The following HMGXB4 variants were observed in gnomAD, a reference collection of about 807,000 sequenced individuals.
HMGXB4 encodes the protein HMG-box containing 4.
Under a neutral mutation model 63.9 loss-of-function variants are expected in HMGXB4, and 27 were observed. That is an observed-to-expected ratio of 0.42 (90% CI 0.31 to 0.58). The LOEUF (loss-of-function observed/expected upper bound fraction) is 0.58. HMGXB4 is among the 20% of genes least tolerant of loss of function. The pLI is 0.13. For missense variants in HMGXB4, 624 were observed against 700.7 expected (o/e 0.89, Z 1.24); for synonymous variants, 264 against 265.3 (o/e 0.99, Z 0.05).
Position 35,288,319 on chromosome 22 carries a change from C to G in HMGXB4, c.1550C>G (p.Pro517Arg). ...MLLPASPAKA[P>R]ETEPIDVAAH... ...TTACCAGCCTCACCAGCCAAAGCCC[C>G]TGAGACAGAGCCCATTGATGTTGCT... Residue 517 changes from proline (P) to arginine (R), a missense_variant, in exon 9 of 11, where the codon CCT (proline) becomes CGT (arginine). Pro to Arg is a moderately radical substitution (Grantham distance 103). Coordinates refer to ENST00000216106, the MANE Select transcript of HMGXB4 (RefSeq NM_001003681.3). The G allele has an allele frequency of 6.2e-7, 1 of 1,613,204 alleles. No homozygotes were observed. Among genetic ancestry groups the G allele is most frequent in the Non-Finnish European group, 8.5e-7 (1 of 1,179,434 alleles).
intron 1 of HMGXB4, 177 bp from the exon 2 acceptor site, chr22:35,262,146 A>T: frequency 2.0e-6 from 1 of 502,108 alleles, no homozygotes; most frequent in Admixed American, 3.5e-5. Context: ...AGCCTAGTAT[A>T]CTTCCTGCAG....
intron 9 of HMGXB4, among the ~76,000 whole-genome samples, chr22:35,289,479 A>G (rs1170825433): frequency 6.6e-6 from 1 of 152,162 alleles, no homozygotes. Context: ...AACAAAAACA[A>G]AAAGGCAAGA....
At chr22:35,286,849 C>T (rs199867985) in intron 7 of HMGXB4, 1 of 58,954 alleles carries the variant, frequency 1.7e-5, no homozygotes, top group Non-Finnish European at 4.4e-5. Flanking sequence ...AAAACTCCAT[C>T]TCAAAAAAAA....
chr22:35,243,327 G>A, the HMGXB4 span, among the ~76,000 whole-genome samples: 11 of 152,084 alleles, frequency 7.2e-5, no homozygotes, highest in African/African-American at 1.9e-4. Context: ...CCGAGATCAC[G>A]CCATTGCACT....
At chr22:35,249,883 T>C in the HMGXB4 span, 3 of 98,584 alleles carry the variant, frequency 3.0e-5, 1 homozygote, top group African/African-American at 7.7e-5. Context: ...AGAGTCACCA[T>C]GAGATACAAA....
Position 35,281,855 on chromosome 22 carries a change from T to C in HMGXB4, c.1216-2107T>C, listed in dbSNP as rs140687954. 1.7e-4 allele frequency among the ~76,000 whole-genome samples: 26 copies of C among 152,336 alleles called. 1 individual carries two copies. Among genetic ancestry groups the C allele is most frequent in the African/African-American group, 6.3e-4 (26 of 41,574 alleles). On this transcript the variant is annotated intron_variant, in intron 5 of 10. Coordinates refer to ENST00000216106, the MANE Select transcript of HMGXB4 (RefSeq NM_001003681.3). ...ATAAGTGCAATCTCATTCAAAGCAG[T>C]TACCTTGGAAGGTGTTCTAGGAATG...
intron 5 of HMGXB4, among the ~76,000 whole-genome samples, chr22:35,273,473 T>G (rs1923728424): frequency 6.6e-6 from 1 of 152,244 alleles, no homozygotes; most frequent in African/African-American, 2.4e-5. Flanking sequence ...TTAGATTAAA[T>G]TAGGTGGTGC....
intron 5 of HMGXB4, among the ~76,000 whole-genome samples, chr22:35,270,037 C>G (rs182080278): frequency 6.6e-6 from 1 of 152,234 alleles, no homozygotes; most frequent in Admixed American, 6.5e-5. Flanking sequence ...GAGGTTGATT[C>G]AAGAGAGGCT....
Position 35,265,040 on chromosome 22 carries a change from G to A in HMGXB4, c.652G>A (p.Ala218Thr). ...GTCTTTTCAATATCCCTCCCAACAA[G>A]CGACTGTGAAAAAATCCTCAAAGAA... is the stretch of plus-strand genomic sequence containing the variant. The part of the protein sequence containing the change: ...EESFQYPSQQ[A>T]TVKKSSKKSA... The change falls in exon 5 of 11, where the codon GCG (alanine) becomes ACG (threonine). Residue 218 changes from alanine (A) to threonine (T), a missense_variant. Coordinates refer to ENST00000216106, the MANE Select transcript of HMGXB4 (RefSeq NM_001003681.3). The A allele has an allele frequency of 1.2e-6, 2 of 1,613,886 alleles. No individual in the cohort carries two copies. Among genetic ancestry groups the A allele is most frequent in the Non-Finnish European group, 1.7e-6 (2 of 1,179,802 alleles).
chr22:35,264,633 C>G lies in HMGXB4; in HGVS notation c.260-15C>G. 1 of 1,535,038 alleles carries G rather than the reference C, an allele frequency of 6.5e-7. No homozygotes were observed. Among genetic ancestry groups the G allele is most frequent in the Non-Finnish European group, 8.8e-7 (1 of 1,142,154 alleles). On this transcript the variant is annotated splice_polypyrimidine_tract_variant and intron_variant, in intron 4 of 10. Coordinates refer to ENST00000216106, the MANE Select transcript of HMGXB4 (RefSeq NM_001003681.3). ...TTCCCATCATATTGACAGTACTTCT[C>G]TTGATTATTTCTAGATATTTCGTCT...
chr22:35,270,761 A>T (rs1001507482), intron 5 of HMGXB4, among the ~76,000 whole-genome samples: 2 of 152,210 alleles, frequency 1.3e-5, no homozygotes, highest in East Asian at 3.8e-4. Context: ...TATAGCAAAA[A>T]CCTTATTAAG....
At chr22:35,262,666 G>T in intron 2 of HMGXB4, 1 of 561,664 alleles carries the variant, frequency 1.8e-6, no homozygotes, top group Admixed American at 3.1e-5. Context: ...GTGATCCCCT[G>T]CAGCACTCTT....
chr22:35,252,216 A>AAAAC, the HMGXB4 span, among the ~76,000 whole-genome samples: 1 of 152,348 alleles, frequency 6.6e-6, no homozygotes, highest in South Asian at 2.1e-4. Context: ...CTCTGTCTCA[A>AAAAC]AAACAAACAA....
intron 5 of HMGXB4, among the ~76,000 whole-genome samples, chr22:35,267,118 C>A (rs1923300850): frequency 6.8e-6 from 1 of 146,860 alleles, no homozygotes; most frequent in Admixed American, 6.9e-5. Flanking sequence ...ATCTGTAGAT[C>A]TATATCTGTT....
intron 2 of HMGXB4, chr22:35,262,721 A>G: frequency 1.9e-6 from 1 of 519,584 alleles, no homozygotes; most frequent in South Asian, 2.4e-5. Context: ...GATAGGAATC[A>G]CATCCTGGAC....
In HMGXB4 at chr22:35,282,378, G is replaced by A. The variant is rs59798965; in HGVS notation, c.1216-1584G>A. ...TTTTTAGTAGAGACGGGGTTTCACCGTGTTAGCCAGGATGACCTCGTGATC... is the reference window on the plus strand; with the variant it reads ...TTTTTAGTAGAGACGGGGTTTCACCATGTTAGCCAGGATGACCTCGTGATC... On this transcript the variant is annotated intron_variant, in intron 5 of 10. Transcript: ENST00000216106. Among the ~76,000 whole-genome samples the A allele has an allele frequency of 9.1e-3, 1,387 of 152,136 alleles. 16 individuals carry two copies. The highest frequency in any genetic ancestry group is 0.031 in the African/African-American group (1,283 of 41,478).
chr22:35,290,327 C>A (rs1924848468), intron 9 of HMGXB4, among the ~76,000 whole-genome samples: 1 of 151,918 alleles, frequency 6.6e-6, no homozygotes, highest in African/African-American at 2.4e-5. Flanking sequence ...TATTTCATTC[C>A]AAAACATATT....
chr22:35,277,616 G>A (rs1257587540), intron 5 of HMGXB4, among the ~76,000 whole-genome samples: 1 of 152,222 alleles, frequency 6.6e-6, no homozygotes, highest in Non-Finnish European at 1.5e-5. Flanking sequence ...CCAAAGTGCT[G>A]GGATTACAGG....
At chr22:35,268,719 A>G (rs1172201784) in intron 5 of HMGXB4, among the ~76,000 whole-genome samples, 1 of 152,230 alleles carries the variant, frequency 6.6e-6, no homozygotes, top group South Asian at 2.1e-4. Context: ...ACCTTAGCCA[A>G]ACATTCATTA....
Sources: allele counts gnomAD v4.1 joint callset (sites outside exome capture counted in the v4.1 genomes callset), GRCh38; gene constraint gnomAD v4.1.1; transcripts MANE v1.5; gene names NCBI Gene and HGNC (gene_info 2026-07-23, HGNC 2026-07-21).